The following ARID4B variants were observed in gnomAD, a reference collection of about 807,000 sequenced individuals.
ARID4B encodes AT-rich interactive domain-containing protein 4B.
ARID4B carries 26 observed loss-of-function variants against 147.5 expected under a neutral mutation model. The ratio of observed to expected loss-of-function variants is 0.18; its 90% CI spans 0.13 to 0.24. The LOEUF (loss-of-function observed/expected upper bound fraction) is 0.24, where lower values mean the gene tolerates loss of function less well. Among genes scored for constraint, ARID4B ranks in the 10% least tolerant of loss-of-function variants. The pLI, the probability that ARID4B is intolerant of heterozygous loss-of-function variation, is 1.00. For synonymous variants in ARID4B, 512 were observed against 507.9 expected, an observed-to-expected ratio of 1.01 and a Z score of -0.11; for missense variants, 1,179 against 1,511.5, an observed-to-expected ratio of 0.78 and a Z score of 3.65.
intron 2 of ARID4B, among the ~76,000 whole-genome samples, chr1:235,294,654 AGGC>A (rs1032117490): frequency 8.7e-5 from 13 of 148,822 alleles, no homozygotes; most frequent in African/African-American, 3.2e-4. Context: ...CTGGGATTAC[AGGC>A]GCTTGCTACC....
At chr1:235,195,833 C>T (rs1370570016) in intron 18 of ARID4B, among the ~76,000 whole-genome samples, 198 bp downstream of exon 18, 2 of 152,108 alleles carry the variant, frequency 1.3e-5, no homozygotes, top group African/African-American at 4.8e-5. Flanking sequence ...AATGTTGGGA[C>T]TGAAAAAGTC....
At chr1:235,223,387 G>GTA (rs1440350403) in intron 12 of ARID4B, 127 bp from the exon 13 acceptor site, 2 of 158,532 alleles carry the variant, frequency 1.3e-5, no homozygotes, top group Non-Finnish European at 1.2e-5. Flanking sequence ...ATATATACAC[G>GTA]TATATATATG....
rs377703213 is a variant in ARID4B, at chr1:235,308,621, C to T, written c.6+18293G>A. On this transcript the variant is annotated intron_variant, in intron 2 of 23. Coordinates refer to ENST00000264183, the MANE Select transcript of ARID4B (RefSeq NM_016374.6). ...TGCCGAGTGCCCGCGATTGCAGGTGCGCGCTGCCACGCCTGACTGGTTTTT... is the reference window on the plus strand; with the variant it reads ...TGCCGAGTGCCCGCGATTGCAGGTGTGCGCTGCCACGCCTGACTGGTTTTT... Among the ~76,000 whole-genome samples, 193 of 152,218 alleles carry T rather than the reference C, an allele frequency of 1.3e-3. 1 individual carries two copies. The highest frequency in any genetic ancestry group is 4.6e-3 in the African/African-American group (189 of 41,520).
chr1:235,250,180 A>G (rs1669558195), intron 6 of ARID4B, among the ~76,000 whole-genome samples: 1 of 152,116 alleles, frequency 6.6e-6, no homozygotes, highest in Non-Finnish European at 1.5e-5. Context: ...ATCTCTTTCC[A>G]TGAAAATCCT....
intron 9 of ARID4B, among the ~76,000 whole-genome samples, chr1:235,231,397 T>C (rs1289007679): frequency 6.6e-6 from 1 of 152,160 alleles, no homozygotes; most frequent in Non-Finnish European, 1.5e-5. Context: ...TACAGAAGGA[T>C]CCTACCATAA....
At chr1:235,175,083 G>T in intron 22 of ARID4B, 101 bp downstream of exon 22, 11 of 1,071,348 alleles carry the variant, frequency 1.0e-5, no homozygotes, top group Non-Finnish European at 1.5e-5. Flanking sequence ...CTCCAGCCTG[G>T]TGACAGAGCG....
At chr1:235,191,155 A>G (rs1665073042) in intron 19 of ARID4B, among the ~76,000 whole-genome samples, 1 of 152,210 alleles carries the variant, frequency 6.6e-6, no homozygotes, top group African/African-American at 2.4e-5. Context: ...GTAAATCACC[A>G]TAAGCCTAGA....
chr1:235,211,788 G>A (rs1267451873), intron 17 of ARID4B, among the ~76,000 whole-genome samples: 1 of 152,076 alleles, frequency 6.6e-6, no homozygotes, highest in Non-Finnish European at 1.5e-5. Context: ...TATATCCTAG[G>A]CAGAAGTAGA....
At position 235,257,023 on chromosome 1, in the gene ARID4B, T is replaced by G. The variant is rs1004738075; in HGVS notation, c.183+137A>C. Reference sequence around the variant, plus strand: ...CCTTAGTCACTGAGATTAAGTCTATTTTTTCTATTAGTCTTTTTAGAGAAA... The same window carrying G: ...CCTTAGTCACTGAGATTAAGTCTATGTTTTCTATTAGTCTTTTTAGAGAAA... On this transcript the variant is annotated intron_variant, in intron 4 of 23. Coordinates refer to ENST00000264183, the MANE Select transcript of ARID4B (RefSeq NM_016374.6). 4 of 669,784 alleles carry G rather than the reference T, an allele frequency of 6.0e-6. No individual in the cohort carries two copies. The African/African-American group carries it at 7.3e-5, about 12-fold the overall frequency. The allele number at this position is 669,784 out of a possible 1,614,324, so 41.5% of individuals were successfully genotyped here. A position where few individuals can be genotyped will look rare whatever the true frequency, so the allele number is the denominator to read the frequency against.
chr1:235,293,799 T>G (rs1182915519), intron 2 of ARID4B, among the ~76,000 whole-genome samples: 3 of 151,870 alleles, frequency 2.0e-5, no homozygotes, highest in African/African-American at 4.8e-5. Flanking sequence ...CCATGGTAAC[T>G]AGGCATTAAG....
chr1:235,211,299 C>T lies in ARID4B; in HGVS notation c.1841+2470G>A, dbSNP rs567913740. On this transcript the variant is annotated intron_variant, in intron 17 of 23. Coordinates refer to ENST00000264183, the MANE Select transcript of ARID4B (RefSeq NM_016374.6). ...TGAGCCAAGATCCAGCCACTGCACT[C>T]CAGGCTGGGCATTAAGAGTGAAACT... 2.6e-5 allele frequency among the ~76,000 whole-genome samples: 4 copies of T among 152,150 alleles called. No homozygotes were observed. The South Asian group carries it at 8.3e-4, about 32-fold the overall frequency.
chr1:235,276,297 G>A (rs954453920), intron 2 of ARID4B, among the ~76,000 whole-genome samples: 1 of 150,698 alleles, frequency 6.6e-6, no homozygotes, highest in African/African-American at 2.4e-5. Context: ...AGTAGCATTA[G>A]CAAACATTAG....
chr1:235,217,149 T>C (rs1356656351), intron 16 of ARID4B, among the ~76,000 whole-genome samples: 4 of 152,090 alleles, frequency 2.6e-5, no homozygotes, highest in African/African-American at 9.7e-5. Context: ...ATTAAAAATA[T>C]ACATTTAATA....
At chr1:235,211,256 G>A (rs570541507) in intron 17 of ARID4B, among the ~76,000 whole-genome samples, 6 of 152,266 alleles carry the variant, frequency 3.9e-5, no homozygotes, top group Non-Finnish European at 7.4e-5. Flanking sequence ...GCTTGAACCC[G>A]GGAGGCGGAG....
intron 2 of ARID4B, among the ~76,000 whole-genome samples, chr1:235,303,622 G>C (rs1381256332): frequency 6.6e-6 from 1 of 152,082 alleles, no homozygotes; most frequent in Non-Finnish European, 1.5e-5. Context: ...TTTAATACTT[G>C]GGACACTAAA....
At chr1:235,318,466 C>G (rs1005020341) in intron 2 of ARID4B, among the ~76,000 whole-genome samples, 1 of 151,964 alleles carries the variant, frequency 6.6e-6, no homozygotes, top group African/African-American at 2.4e-5. Context: ...GCCATCGCGC[C>G]TGGTCAACAC....
At chr1:235,211,272 G>A (rs1379845382) in intron 17 of ARID4B, among the ~76,000 whole-genome samples, 1 of 152,086 alleles carries the variant, frequency 6.6e-6, no homozygotes, top group Non-Finnish European at 1.5e-5. Context: ...CGGAGGCTGC[G>A]GTGAGCCAAG....
At chr1:235,249,657 C>T (rs1669517315) in intron 6 of ARID4B, among the ~76,000 whole-genome samples, 2 of 150,966 alleles carry the variant, frequency 1.3e-5, no homozygotes, top group Non-Finnish European at 3.0e-5. Flanking sequence ...ATTAGCTGGG[C>T]GTGGCCGGGC....
In ARID4B at chr1:235,307,724, G is replaced by A. The variant is rs573937314; in HGVS notation, c.6+19190C>T. Reference sequence around the variant, plus strand: ...GCTATATGGGCCACAGTGTTTCAACGCAAAATTACTTGTGGCAATATAACC... The same window carrying A: ...GCTATATGGGCCACAGTGTTTCAACACAAAATTACTTGTGGCAATATAACC... On this transcript the variant is annotated intron_variant, in intron 2 of 23. Transcript: ENST00000264183. Among the ~76,000 whole-genome samples, 47 of 152,282 alleles carry A rather than the reference G, an allele frequency of 3.1e-4. No homozygotes were observed. In the South Asian group the frequency reaches 8.1e-3, roughly 26 times the overall value.
Sources: allele counts gnomAD v4.1 joint callset (sites outside exome capture counted in the v4.1 genomes callset), GRCh38; gene constraint gnomAD v4.1.1; transcripts MANE v1.5; gene names NCBI Gene and HGNC (gene_info 2026-07-23, HGNC 2026-07-21).